PTGER4: variants seen among roughly 807,000 people sequenced by gnomAD.
The protein encoded by PTGER4 is prostaglandin E receptor 4, also known as prostaglandin E2 receptor EP4 subtype.
Under a neutral mutation model 33.2 loss-of-function variants are expected in PTGER4, and 11 were observed. The observed-to-expected ratio is 0.33, with a 90% CI of 0.21 to 0.55. The LOEUF is 0.55. Among genes scored for constraint, PTGER4 ranks in the 20% least tolerant of loss-of-function variants. The pLI, the probability that PTGER4 is intolerant of heterozygous loss-of-function variation, is 0.92. For synonymous variants in PTGER4, 275 were observed against 281.5 expected (o/e 0.98, Z 0.23); for missense variants, 481 against 650.2 (o/e 0.74, Z 2.83).
At chr5:40,733,920 G>A in the PTGER4 span, among the ~76,000 whole-genome samples, 11 of 152,224 alleles carry the variant, frequency 7.2e-5, no homozygotes, top group African/African-American at 1.4e-4. Context: ...ACACACACAC[G>A]TGTAAACACA....
the PTGER4 span, among the ~76,000 whole-genome samples, chr5:40,722,739 AGCCCCTGCCCGGCCAGAC>A: frequency 1.3e-5 from 2 of 149,744 alleles, no homozygotes; most frequent in Non-Finnish European, 3.0e-5. Context: ...GTGGCGGGGC[AGCCCCTGCCCGGCCAGAC>A]GCCCCGTCCC....
the PTGER4 span, among the ~76,000 whole-genome samples, chr5:40,704,371 C>A: frequency 6.6e-6 from 1 of 152,140 alleles, no homozygotes; most frequent in African/African-American, 2.4e-5. Context: ...AACCCACAGA[C>A]AACATTAGAC....
downstream of PTGER4, among the ~76,000 whole-genome samples, chr5:40,697,139 AAG>A: frequency 7.7e-6 from 1 of 129,586 alleles, no homozygotes; most frequent in Non-Finnish European, 1.7e-5. Flanking sequence ...GGAAGGAAGG[AAG>A]GAAAGAAAGA....
downstream of PTGER4, among the ~76,000 whole-genome samples, chr5:40,695,255 C>T (rs889626669): frequency 8.6e-5 from 13 of 151,992 alleles, no homozygotes; most frequent in African/African-American, 3.1e-4. Flanking sequence ...ATTAAAAATA[C>T]AAAAATTGGC....
the PTGER4 span, among the ~76,000 whole-genome samples, chr5:40,721,465 C>T: frequency 6.6e-6 from 1 of 152,130 alleles, no homozygotes; most frequent in African/African-American, 2.4e-5. Flanking sequence ...CCAACATGGT[C>T]AGCTGATCTT....
Position 40,681,275 on chromosome 5 carries a change from C to T in PTGER4, c.282C>T (p.Tyr94=). Residue 94 remains tyrosine, a synonymous_variant, in exon 2 of 3, where the codon TAC becomes TAT. Transcript: ENST00000302472. The surrounding 1 kb of genome is among the most constrained non-coding windows in gnomAD (Gnocchi z 9.8). ...CCGGGGGCCAGCCGCTGTGCGAGTACAGCACCTTCATTCTGCTCTTCTTCA... is the reference window on the plus strand; with the variant it reads ...CCGGGGGCCAGCCGCTGTGCGAGTATAGCACCTTCATTCTGCTCTTCTTCA... ...QWPGGQPLCE[Y]STFILLFFSL... 1 of 1,614,212 alleles carries T rather than the reference C, an allele frequency of 6.2e-7. No homozygotes were observed. The highest frequency in any genetic ancestry group is 1.1e-5 in the South Asian group (1 of 91,088).
chr5:40,718,312 A>G, the PTGER4 span, among the ~76,000 whole-genome samples: 1 of 152,216 alleles, frequency 6.6e-6, no homozygotes. Flanking sequence ...AGGCTGAGGC[A>G]GGAAAATTGT....
At chr5:40,688,174 G>T (rs1412708839) in intron 2 of PTGER4, among the ~76,000 whole-genome samples, 1 of 152,130 alleles carries the variant, frequency 6.6e-6, no homozygotes, top group Non-Finnish European at 1.5e-5. Context: ...GTTGTGGTAG[G>T]AGAAGCAACC....
chr5:40,683,434 T>A lies in PTGER4; in HGVS notation c.867+1574T>A, dbSNP rs1404224908. Among the ~76,000 whole-genome samples, 1 of 152,232 alleles carries A rather than the reference T, an allele frequency of 6.6e-6. No homozygotes were observed. The highest frequency in any genetic ancestry group is 1.9e-4 in the East Asian group (1 of 5,200). On this transcript the variant is annotated intron_variant, in intron 2 of 2. Transcript: ENST00000302472. This position sits in a 1 kb window ranked among gnomAD's most constrained non-coding sequence, Gnocchi z 4.2. ...CATAAATATATTTTACTGTCTGTAATGGCAACCTAGAATAAAGTGAGATTT... is the reference window on the plus strand; with the variant it reads ...CATAAATATATTTTACTGTCTGTAAAGGCAACCTAGAATAAAGTGAGATTT...
At chr5:40,713,230 TC>T in the PTGER4 span, among the ~76,000 whole-genome samples, 1 of 152,140 alleles carries the variant, frequency 6.6e-6, no homozygotes, top group Non-Finnish European at 1.5e-5. Context: ...GAATTGCTGG[TC>T]CAGAGTCACT....
the PTGER4 span, among the ~76,000 whole-genome samples, chr5:40,735,739 G>A: frequency 6.6e-6 from 1 of 152,240 alleles, no homozygotes; most frequent in Non-Finnish European, 1.5e-5. Flanking sequence ...GCATGGTGGT[G>A]TGGAAGATGA....
chr5:40,692,658 G>A lies in PTGER4; in HGVS notation c.*280G>A. 8.8e-7 allele frequency: 1 copy of A among 1,140,782 alleles called. No homozygotes were observed. Among genetic ancestry groups the A allele is most frequent in the African/African-American group, 1.6e-5 (1 of 62,628 alleles). 70.7% of individuals were successfully genotyped at this position (1,140,782 alleles called of 1,614,324 possible). A position where few individuals can be genotyped will look rare whatever the true frequency, so the allele number is the denominator to read the frequency against. The stretch of plus-strand genomic sequence containing the variant: ...CCCTCCGTTTTTCTACTAGATAGGA[G>A]GATGGTAGAAGTTTGGCTGCTGTCA... On this transcript the variant is annotated 3_prime_UTR_variant, in exon 3 of 3. Coordinates refer to ENST00000302472, the MANE Select transcript of PTGER4 (RefSeq NM_000958.3).
chr5:40,737,852 T>C, the PTGER4 span, among the ~76,000 whole-genome samples: 1 of 152,266 alleles, frequency 6.6e-6, no homozygotes. Context: ...GTACTCTTCC[T>C]GACTTCTTTC....
chr5:40,694,541 C>T (rs1444010704), downstream of PTGER4, among the ~76,000 whole-genome samples: 8 of 152,192 alleles, frequency 5.3e-5, no homozygotes, highest in African/African-American at 1.9e-4. Flanking sequence ...TGAGCCCCCT[C>T]TCCTTGACTT....
At chr5:40,694,358 C>A (rs1741540401), downstream of PTGER4, among the ~76,000 whole-genome samples, 1 of 151,920 alleles carries the variant, frequency 6.6e-6, no homozygotes, top group Non-Finnish European at 1.5e-5. Context: ...GCCATTTTTA[C>A]ATTTTTAAAT....
the PTGER4 span, among the ~76,000 whole-genome samples, chr5:40,726,901 C>T: frequency 6.6e-6 from 1 of 152,074 alleles, no homozygotes; most frequent in Non-Finnish European, 1.5e-5. Context: ...ATTCTTTGAA[C>T]TCTTTTTTCC....
chr5:40,710,366 A>G, the PTGER4 span, among the ~76,000 whole-genome samples: 2 of 152,224 alleles, frequency 1.3e-5, no homozygotes, highest in Non-Finnish European at 2.9e-5. Context: ...GCAAATCAAA[A>G]CCACAGTGAG....
the PTGER4 span, among the ~76,000 whole-genome samples, chr5:40,732,663 C>G: frequency 6.6e-6 from 1 of 151,930 alleles, no homozygotes; most frequent in Non-Finnish European, 1.5e-5. Flanking sequence ...ACATGGAGTA[C>G]AGTGGCATGA....
chr5:40,697,238 G>GAAAGAAGGAAAGAAAGAAAGAAAT (rs1741627065), downstream of PTGER4, among the ~76,000 whole-genome samples: 8 of 37,602 alleles, frequency 2.1e-4, no homozygotes, highest in African/African-American at 4.8e-4. Flanking sequence ...AAGAAAGAAA[G>GAAAGAAGGAAAGAAAGAAAGAAAT]AAAGAAAGAA....
Sources: gnomAD v4.1 joint callset for allele counts (sites outside exome capture counted in the v4.1 genomes callset) on GRCh38, gnomAD v4.1.1 for gene constraint, Gnocchi (gnomAD v3.1) non-coding constraint, MANE v1.5 for transcripts, NCBI Gene and HGNC (gene_info 2026-07-23, HGNC 2026-07-21) for gene names.